MAGI2: variants seen among roughly 807,000 people sequenced by gnomAD.
The protein encoded by MAGI2 is membrane associated guanylate kinase, WW and PDZ domain containing 2.
In MAGI2, 35 loss-of-function variants were observed where a neutral mutation model predicts 133.3. The ratio of observed to expected loss-of-function variants is 0.26; its 90% confidence interval spans 0.20 to 0.35. The LOEUF (loss-of-function observed/expected upper bound fraction) is 0.35, where lower values mean the gene tolerates loss of function less well. Ranked by LOEUF, MAGI2 falls within the 10% of genes least tolerant of loss-of-function variation. The pLI is 1.00. For missense variants in MAGI2, 1,636 were observed against 1,863.4 expected, an observed-to-expected ratio of 0.88 and a Z score of 2.25; for synonymous variants, 729 against 710.6, an observed-to-expected ratio of 1.03 and a Z score of -0.41.
rs60512308 is a variant in MAGI2, at chr7:78,447,544, C to G, written c.1045+42217G>C. Among the ~76,000 whole-genome samples the G allele has an allele frequency of 5.7e-3, 865 of 152,154 alleles. 11 individuals are homozygous for G. The highest frequency in any genetic ancestry group is 0.017 in the African/African-American group (723 of 41,520). ...ATTGCACTGGATACCCAATGGGGAT[C>G]TGGAGGTCAGCGGGGGAGGTATGGC... On this transcript the variant is annotated intron_variant, in intron 6 of 21. Coordinates refer to ENST00000354212, the MANE Select transcript of MAGI2 (RefSeq NM_012301.4).
chr7:79,379,829 C>CT (rs34699264), intron 1 of MAGI2, among the ~76,000 whole-genome samples: 7,566 of 142,694 alleles, frequency 0.053, 414 homozygotes, highest in East Asian at 0.25. Context: ...CTCCCCCCAA[C>CT]TTTTTTTTTT....
intron 1 of MAGI2, among the ~76,000 whole-genome samples, chr7:79,294,721 CTTTTTTTTT>C (rs1161010284): frequency 1.6e-4 from 13 of 83,180 alleles, no homozygotes; most frequent in African/African-American, 6.0e-4. Context: ...ATTTTGGTAG[CTTTTTTTTT>C]TTTTTTTTTT....
intron 2 of MAGI2, among the ~76,000 whole-genome samples, chr7:78,777,247 C>G (rs1826056887): frequency 6.6e-6 from 1 of 152,166 alleles, no homozygotes; most frequent in Non-Finnish European, 1.5e-5. Context: ...TTAAGAAAAG[C>G]TTTTAAATAC....
intron 2 of MAGI2, among the ~76,000 whole-genome samples, chr7:78,709,816 A>T (rs1455587568): frequency 6.6e-6 from 1 of 152,112 alleles, no homozygotes; most frequent in Non-Finnish European, 1.5e-5. Flanking sequence ...ATCTTTTGGT[A>T]TTGACTTTTT....
intron 1 of MAGI2, among the ~76,000 whole-genome samples, chr7:79,335,316 C>T (rs1013859216): frequency 5.3e-5 from 8 of 152,066 alleles, no homozygotes; most frequent in Non-Finnish European, 2.9e-5. Flanking sequence ...CTTGAGTGAA[C>T]ATCAGTGACC....
chr7:78,089,742 C>T (rs1816998276), intron 20 of MAGI2, among the ~76,000 whole-genome samples: 1 of 152,024 alleles, frequency 6.6e-6, no homozygotes, highest in Admixed American at 6.6e-5. Flanking sequence ...CAGCAGCTGC[C>T]TCTCATTTCC....
At chr7:78,027,524 A>T (rs546148441) in intron 21 of MAGI2, among the ~76,000 whole-genome samples, 1 of 151,564 alleles carries the variant, frequency 6.6e-6, no homozygotes, top group Admixed American at 6.6e-5. Context: ...GCTACTCGGG[A>T]TGCTGAGGCA....
At chr7:78,800,472 T>G (rs916380318) in intron 2 of MAGI2, among the ~76,000 whole-genome samples, 15 of 152,230 alleles carry the variant, frequency 9.9e-5, no homozygotes, top group Admixed American at 5.2e-4. Flanking sequence ...AATCAATTAT[T>G]CAGAACTGAC....
intron 2 of MAGI2, among the ~76,000 whole-genome samples, chr7:78,954,873 G>A (rs941620841): frequency 6.6e-6 from 1 of 151,990 alleles, no homozygotes; most frequent in African/African-American, 2.4e-5. Flanking sequence ...AACATAATTT[G>A]AATCAATATA....
intron 1 of MAGI2, among the ~76,000 whole-genome samples, chr7:79,345,604 C>G (rs548796499): frequency 6.6e-6 from 1 of 152,116 alleles, no homozygotes; most frequent in South Asian, 2.1e-4. Flanking sequence ...ACTAAATTTG[C>G]TAAGTTTCAG....
intron 1 of MAGI2, among the ~76,000 whole-genome samples, chr7:79,173,247 G>GAAAT (rs971513438): frequency 1.3e-5 from 2 of 151,320 alleles, no homozygotes; most frequent in African/African-American, 4.8e-5. Flanking sequence ...AATACTCAGA[G>GAAAT]AAATAAAAAA....
chr7:78,367,272 C>T lies in MAGI2; in HGVS notation c.1103+1884G>A, dbSNP rs186570836. ...ATGATCAAGAAGGGATGAAGCATAG[C>T]TTTCTGACACAGGGGTGTCTTGCCT... On this transcript the variant is annotated intron_variant, in intron 7 of 21. Transcript: ENST00000354212. Among the ~76,000 whole-genome samples, 5 of 152,264 alleles carry T rather than the reference C, an allele frequency of 3.3e-5. No homozygotes were observed. The East Asian group carries it at 7.7e-4, about 23-fold the overall frequency.
intron 1 of MAGI2, among the ~76,000 whole-genome samples, chr7:79,179,143 G>C (rs567548252): frequency 6.6e-6 from 1 of 151,960 alleles, no homozygotes; most frequent in South Asian, 2.1e-4. Context: ...ATATATTACA[G>C]TGTTAATAAT....
chr7:78,177,988 G>A (rs980580148), intron 14 of MAGI2, 23 bp downstream of exon 14: 1 of 1,547,314 alleles, frequency 6.5e-7, no homozygotes, highest in Non-Finnish European at 8.9e-7. Flanking sequence ...CCCAAGCATG[G>A]AAATAAAGAA....
chr7:78,630,053 T>C (rs1808789848), intron 2 of MAGI2, among the ~76,000 whole-genome samples: 1 of 152,086 alleles, frequency 6.6e-6, no homozygotes, highest in African/African-American at 2.4e-5. Flanking sequence ...ATAAGACTTC[T>C]GATTTTTAAA....
intron 2 of MAGI2, among the ~76,000 whole-genome samples, chr7:78,806,799 T>A (rs867237659): frequency 6.6e-6 from 1 of 151,384 alleles, no homozygotes; most frequent in African/African-American, 2.4e-5. Flanking sequence ...ACTCAGGAGT[T>A]TGAAGCTGCA....
intron 2 of MAGI2, among the ~76,000 whole-genome samples, chr7:78,748,885 T>C (rs1823187243): frequency 6.6e-6 from 1 of 152,230 alleles, no homozygotes; most frequent in South Asian, 2.1e-4. Context: ...AGAATCTTGT[T>C]CATATATTTC....
chr7:78,085,007 T>C (rs1466294124), intron 20 of MAGI2, among the ~76,000 whole-genome samples: 1 of 152,218 alleles, frequency 6.6e-6, no homozygotes, highest in African/African-American at 2.4e-5. Context: ...CAAGTGCCTA[T>C]TACAGGGCCT....
chr7:78,581,271 C>T (rs1802808303), intron 3 of MAGI2, among the ~76,000 whole-genome samples: 1 of 152,174 alleles, frequency 6.6e-6, no homozygotes, highest in Admixed American at 6.5e-5. Context: ...CCTTCTTCAA[C>T]CAAAGGAAGC....
Sources: allele counts gnomAD v4.1 joint callset (sites outside exome capture counted in the v4.1 genomes callset), GRCh38; gene constraint gnomAD v4.1.1; transcripts MANE v1.5; gene names NCBI Gene and HGNC (gene_info 2026-07-23, HGNC 2026-07-21).